The following CDH4 variants were observed in gnomAD, a reference collection of about 807,000 sequenced individuals.
CDH4 encodes the protein cadherin-4.
Under a neutral mutation model 86.0 loss-of-function variants are expected in CDH4, and 33 were observed. The ratio of observed to expected loss-of-function variants is 0.38; its 90% CI spans 0.29 to 0.51. CDH4 has a LOEUF of 0.51. Among genes scored for constraint, CDH4 ranks in the 20% least tolerant of loss-of-function variants. The pLI is 0.86. For missense variants in CDH4, 1,114 were observed against 1,307.4 expected (o/e 0.85, Z 2.28); for synonymous variants, 555 against 549.4 (o/e 1.01, Z -0.14).
chr20:61,909,047 C>A (rs2122922424), intron 8 of CDH4, among the ~76,000 whole-genome samples: 1 of 152,362 alleles, frequency 6.6e-6, no homozygotes, highest in Non-Finnish European at 1.5e-5. Context: ...TCTCCAAATA[C>A]AGTCACACTC....
intron 6 of CDH4, among the ~76,000 whole-genome samples, chr20:61,863,775 G>A (rs1459622724): frequency 3.9e-5 from 6 of 152,176 alleles, no homozygotes; most frequent in African/African-American, 1.2e-4. Flanking sequence ...TGAAGCGAGG[G>A]TGCAGAGCCA....
At chr20:61,546,202 ATT>A (rs2086084515) in intron 2 of CDH4, among the ~76,000 whole-genome samples, 1 of 92,306 alleles carries the variant, frequency 1.1e-5, no homozygotes, top group Non-Finnish European at 2.2e-5. Context: ...CGGTATTCAC[ATT>A]CGTGCGTGTG....
chr20:61,817,596 T>C (rs1335069258), intron 4 of CDH4, among the ~76,000 whole-genome samples: 2 of 152,106 alleles, frequency 1.3e-5, no homozygotes, highest in African/African-American at 4.8e-5. Context: ...TCCTGCGCAC[T>C]TTGTCACCTT....
chr20:61,647,182 G>GT (rs2087070140), intron 2 of CDH4, among the ~76,000 whole-genome samples: 1 of 152,156 alleles, frequency 6.6e-6, no homozygotes, highest in African/African-American at 2.4e-5. Flanking sequence ...TCCCAAGCAG[G>GT]TTCCCTTGGG....
At chr20:61,253,452 C>G (rs1439776724) in intron 1 of CDH4, among the ~76,000 whole-genome samples, 1 of 152,050 alleles carries the variant, frequency 6.6e-6, no homozygotes, top group African/African-American at 2.4e-5. Context: ...CAGGAACCCC[C>G]TCTCGTGGCC....
rs970316096 is a variant in CDH4, at chr20:61,518,694, CCTAT to C, written c.170-224866_170-224863del. ...CCTTTATTCATCCATCCTTCATCTA[CCTAT>C]CTGTTGTTCAATCATCCATCCGTTC... On this transcript the variant is annotated intron_variant, in intron 2 of 15. Transcript: ENST00000614565. This position sits in a 1 kb window ranked among gnomAD's most constrained non-coding sequence, Gnocchi z 6.3. Among the ~76,000 whole-genome samples the C allele has an allele frequency of 1.8e-4, 27 of 151,836 alleles. No individual in the cohort carries two copies. Among genetic ancestry groups the C allele is most frequent in the South Asian group, 4.2e-4 (2 of 4,798 alleles).
chr20:61,296,333 G>A (rs543152830), intron 2 of CDH4, among the ~76,000 whole-genome samples: 2 of 151,718 alleles, frequency 1.3e-5, no homozygotes, highest in Non-Finnish European at 2.9e-5. Context: ...GCGTGTGTGT[G>A]TGTGTGTGAG....
At chr20:61,821,405 A>C (rs1601023085) in intron 4 of CDH4, among the ~76,000 whole-genome samples, 1 of 22,700 alleles carries the variant, frequency 4.4e-5, no homozygotes, top group African/African-American at 1.9e-4. Context: ...CCCAGATCCC[A>C]CTGCTCCAGT....
chr20:61,538,410 A>G (rs1361864423), intron 2 of CDH4, among the ~76,000 whole-genome samples: 1 of 152,116 alleles, frequency 6.6e-6, no homozygotes, highest in Non-Finnish European at 1.5e-5. Context: ...TTCTGCTCTG[A>G]TACACAAAGG....
intron 2 of CDH4, among the ~76,000 whole-genome samples, chr20:61,334,223 A>G (rs6129101): frequency 0.19 from 29,211 of 152,208 alleles, 2,866 homozygotes; most frequent in Middle Eastern, 0.36. Context: ...CTGTCATTAT[A>G]AAACCTCATC....
intron 2 of CDH4, among the ~76,000 whole-genome samples, chr20:61,328,176 A>G (rs1359740409): frequency 6.6e-6 from 1 of 151,890 alleles, no homozygotes; most frequent in African/African-American, 2.4e-5. Flanking sequence ...TAAAATTGCT[A>G]TTTTTTAAAA....
chr20:61,767,135 C>G (rs1371342773), intron 3 of CDH4, among the ~76,000 whole-genome samples: 1 of 152,092 alleles, frequency 6.6e-6, no homozygotes, highest in Non-Finnish European at 1.5e-5. Flanking sequence ...GGCCCGGGCC[C>G]GTGCAGGACT....
chr20:61,672,500 C>T (rs1425824559), intron 2 of CDH4, among the ~76,000 whole-genome samples: 2 of 152,154 alleles, frequency 1.3e-5, no homozygotes, highest in South Asian at 2.1e-4. Flanking sequence ...AGGCCCTGTC[C>T]GTGAAGTGTG....
chr20:61,756,972 AC>A (rs1487034999), intron 3 of CDH4, among the ~76,000 whole-genome samples: 1 of 152,206 alleles, frequency 6.6e-6, no homozygotes, highest in Non-Finnish European at 1.5e-5. Context: ...GTGGCCCTCA[AC>A]GGGACTGAAA....
In CDH4 at chr20:61,571,288, C is replaced by T. The variant is rs151188145; in HGVS notation, c.170-172275C>T. Among the ~76,000 whole-genome samples the T allele has an allele frequency of 2.6e-5, 4 of 152,178 alleles. No homozygotes were observed. In the South Asian group the frequency reaches 8.3e-4, roughly 32 times the overall value. On this transcript the variant is annotated intron_variant, in intron 2 of 15. Transcript: ENST00000614565. ...ACAGCCTTTTGATGTCTGGGAGGAC[C>T]CTGGCATCCTCAGGCACACTCAGGT...
At chr20:61,560,775 G>C (rs2086210985) in intron 2 of CDH4, among the ~76,000 whole-genome samples, 1 of 152,214 alleles carries the variant, frequency 6.6e-6, no homozygotes, top group Non-Finnish European at 1.5e-5. Flanking sequence ...AAGGAGCCCG[G>C]GTCTCAGCCT....
At chr20:61,912,746 A>G (rs1005456744) in intron 9 of CDH4, among the ~76,000 whole-genome samples, 10 of 152,236 alleles carry the variant, frequency 6.6e-5, no homozygotes, top group Non-Finnish European at 4.4e-5. Flanking sequence ...GAATTTTCAG[A>G]GTGAGGTATT....
At chr20:61,837,965 C>G (rs1006547325) in intron 4 of CDH4, among the ~76,000 whole-genome samples, 6 of 152,094 alleles carry the variant, frequency 3.9e-5, no homozygotes, top group Non-Finnish European at 7.4e-5. Flanking sequence ...TGCAGAGGCT[C>G]CCACATTCTC....
chr20:61,787,470 C>T (rs1600988099), intron 4 of CDH4, among the ~76,000 whole-genome samples: 1 of 152,136 alleles, frequency 6.6e-6, no homozygotes, highest in African/African-American at 2.4e-5. Flanking sequence ...GAGGTAACTG[C>T]GCCCATGATT....
Sources: allele counts gnomAD v4.1 joint callset (sites outside exome capture counted in the v4.1 genomes callset), GRCh38; gene constraint gnomAD v4.1.1; non-coding constraint Gnocchi (gnomAD v3.1); transcripts MANE v1.5; gene names NCBI Gene and HGNC (gene_info 2026-07-23, HGNC 2026-07-21).